Variants in NECAB1 observed in about 807,000 individuals in gnomAD.
NECAB1 encodes the protein N-terminal EF-hand calcium binding protein 1, also known as N-terminal EF-hand calcium-binding protein 1.
NECAB1 carries 29 observed loss-of-function variants against 57.5 expected under a neutral mutation model. The observed-to-expected ratio is 0.50, with a 90% CI of 0.38 to 0.69. The LOEUF is 0.69. Ranked by LOEUF, NECAB1 falls within the 30% of genes least tolerant of loss-of-function variation. NECAB1 has a pLI of 0.00. For synonymous variants in NECAB1, 142 were observed against 147.7 expected (o/e 0.96, Z 0.28); for missense variants, 372 against 413.8 (o/e 0.90, Z 0.88).
chr8:90,799,515 C>A (rs1811725945), intron 1 of NECAB1, among the ~76,000 whole-genome samples: 1 of 152,126 alleles, frequency 6.6e-6, no homozygotes, highest in African/African-American at 2.4e-5. Context: ...CAGTTTCATT[C>A]TTCTGCATAT....
At chr8:90,906,891 A>ATGTATATATATACG (rs1554574081) in intron 5 of NECAB1, among the ~76,000 whole-genome samples, 41 of 113,400 alleles carry the variant, frequency 3.6e-4, no homozygotes, top group African/African-American at 1.6e-3. Context: ...ATATATATAT[A>ATGTATATATATACG]TATATATATA....
rs115821771 is a variant in NECAB1 at position 90,808,972 on chromosome 8, G to A, written c.124+7257G>A. Among the ~76,000 whole-genome samples, 615 of 152,086 alleles carry A rather than the reference G, an allele frequency of 4.0e-3. 8 individuals are homozygous for A. Among genetic ancestry groups the A allele is most frequent in the African/African-American group, 0.014 (561 of 41,488 alleles). ...TTCATCCTAATTCTTATTCTTATTTGGCGGGACTGTCAATCACAATGTCCT... is the reference window on the plus strand; with the variant it reads ...TTCATCCTAATTCTTATTCTTATTTAGCGGGACTGTCAATCACAATGTCCT... On this transcript the variant is annotated intron_variant, in intron 2 of 12. Transcript: ENST00000417640.
intron 9 of NECAB1, among the ~76,000 whole-genome samples, chr8:90,937,017 A>G (rs777283402): frequency 2.0e-5 from 3 of 152,174 alleles, no homozygotes; most frequent in Non-Finnish European, 4.4e-5. Context: ...ATTCTTTTCA[A>G]TTTATATGCC....
chr8:90,923,702 G>T (rs1477646880), intron 6 of NECAB1, among the ~76,000 whole-genome samples: 1 of 152,150 alleles, frequency 6.6e-6, no homozygotes, highest in African/African-American at 2.4e-5. Context: ...CTAAATAAAA[G>T]ATATTGCATT....
chr8:90,893,627 G>C (rs16906071), intron 5 of NECAB1, among the ~76,000 whole-genome samples: 16,136 of 152,104 alleles, frequency 0.11, 1,018 homozygotes, highest in African/African-American at 0.18. Flanking sequence ...TGGAAGGATT[G>C]CTTGTCCAGA....
intron 2 of NECAB1, among the ~76,000 whole-genome samples, chr8:90,804,767 C>T (rs1306029634): frequency 6.6e-6 from 1 of 152,180 alleles, no homozygotes; most frequent in African/African-American, 2.4e-5. Context: ...CCCTCATTCT[C>T]AGTGTAAAGT....
At chr8:90,909,739 G>A (rs185849848) in intron 5 of NECAB1, among the ~76,000 whole-genome samples, 1 of 152,066 alleles carries the variant, frequency 6.6e-6, no homozygotes. Context: ...AAGAATTCTT[G>A]CTTTGTCAGT....
At chr8:90,885,422 C>A (rs1808956260) in intron 5 of NECAB1, among the ~76,000 whole-genome samples, 1 of 152,194 alleles carries the variant, frequency 6.6e-6, no homozygotes, top group Admixed American at 6.5e-5. Context: ...CCTAATGACT[C>A]TTCTTTCCTG....
chr8:90,807,672 G>A (rs1030447524), intron 2 of NECAB1, among the ~76,000 whole-genome samples: 1 of 152,176 alleles, frequency 6.6e-6, no homozygotes, highest in African/African-American at 2.4e-5. Context: ...ATAAGGCTCT[G>A]TATTTCATAA....
intron 10 of NECAB1, among the ~76,000 whole-genome samples, chr8:90,941,864 G>A (rs1810678076): frequency 6.6e-6 from 1 of 152,144 alleles, no homozygotes; most frequent in African/African-American, 2.4e-5. Flanking sequence ...AAATTCATCT[G>A]CTTTTAGAAA....
intron 2 of NECAB1, among the ~76,000 whole-genome samples, chr8:90,812,299 C>T (rs775308921): frequency 6.6e-6 from 1 of 152,230 alleles, no homozygotes; most frequent in Non-Finnish European, 1.5e-5. Context: ...ACATCCGCTA[C>T]AAACTAAATA....
At chr8:90,808,284 C>A (rs1386784706) in intron 2 of NECAB1, among the ~76,000 whole-genome samples, 1 of 152,194 alleles carries the variant, frequency 6.6e-6, no homozygotes. Flanking sequence ...TAAGTGCTTT[C>A]TGTAATGGGC....
At chr8:90,844,713 C>G (rs530809272) in intron 3 of NECAB1, among the ~76,000 whole-genome samples, 1 of 152,230 alleles carries the variant, frequency 6.6e-6, no homozygotes, top group African/African-American at 2.4e-5. Context: ...TTCACTTTCA[C>G]TTTCTCCCTT....
intron 2 of NECAB1, 130 bp from the exon 3 acceptor site, chr8:90,824,587 C>T: frequency 2.0e-6 from 1 of 495,956 alleles, no homozygotes; most frequent in Non-Finnish European, 3.6e-6. Flanking sequence ...TTTTTAACAC[C>T]TTCAGCTGTT....
chr8:90,958,776 T>G lies in NECAB1; in HGVS notation c.*3264T>G, dbSNP rs1315211094. ...AGTCTTCCCACTTCACTAACCAAAT[T>G]CCTACTTTCCAGTGTTACTTCCCAA... On this transcript the variant is annotated 3_prime_UTR_variant, in exon 13 of 13. Transcript: ENST00000417640. 2 of 400,622 alleles carry G rather than the reference T, an allele frequency of 5.0e-6. No homozygotes were observed. The highest frequency in any genetic ancestry group is 8.9e-6 in the Non-Finnish European group (2 of 225,436). 24.8% of individuals were successfully genotyped at this position (400,622 alleles called of 1,614,324 possible).
chr8:90,863,378 A>T (rs1808446707), intron 3 of NECAB1, among the ~76,000 whole-genome samples: 1 of 152,176 alleles, frequency 6.6e-6, no homozygotes, highest in Admixed American at 6.5e-5. Flanking sequence ...AAGTATAAAC[A>T]TGCCCTAAAC....
chr8:90,886,378 C>T (rs1335655308), intron 5 of NECAB1, among the ~76,000 whole-genome samples: 1 of 151,898 alleles, frequency 6.6e-6, no homozygotes, highest in African/African-American at 2.4e-5. Flanking sequence ...TTATAATGTA[C>T]TCAGTTTTGT....
intron 3 of NECAB1, among the ~76,000 whole-genome samples, chr8:90,842,877 C>T (rs1249292422): frequency 6.6e-6 from 1 of 152,176 alleles, no homozygotes; most frequent in African/African-American, 2.4e-5. Flanking sequence ...AAGGTTGCCT[C>T]AGAAAGTGGC....
intron 4 of NECAB1, among the ~76,000 whole-genome samples, chr8:90,875,203 C>T (rs1052573700): frequency 5.9e-5 from 9 of 152,074 alleles, no homozygotes; most frequent in Non-Finnish European, 1.2e-4. Flanking sequence ...TAGTTGAGGC[C>T]GGGCGCGGTG....
Sources: allele counts gnomAD v4.1 joint callset (sites outside exome capture counted in the v4.1 genomes callset), GRCh38; gene constraint gnomAD v4.1.1; transcripts MANE v1.5; gene names NCBI Gene and HGNC (gene_info 2026-07-23, HGNC 2026-07-21).